Variants in DIP2C observed in about 807,000 individuals in gnomAD.
DIP2C encodes the protein disco-interacting protein 2 homolog C.
DIP2C carries 33 observed loss-of-function variants against 192.4 expected under a neutral mutation model. The ratio of observed to expected loss-of-function variants is 0.17; its 90% CI spans 0.13 to 0.23. The LOEUF (loss-of-function observed/expected upper bound fraction) is 0.23. Among genes scored for constraint, DIP2C ranks in the 10% least tolerant of loss-of-function variants. The pLI, the probability that DIP2C is intolerant of heterozygous loss-of-function variation, is 1.00. For synonymous variants in DIP2C, 979 were observed against 864.1 expected, an observed-to-expected ratio of 1.13 and a Z score of -2.33; for missense variants, 1,537 against 2,110.1, an observed-to-expected ratio of 0.73 and a Z score of 5.32.
intron 1 of DIP2C, among the ~76,000 whole-genome samples, chr10:488,798 GCA>G (rs778775776): frequency 3.9e-5 from 6 of 152,202 alleles, no homozygotes; most frequent in East Asian, 1.9e-4. Context: ...TAACACACAT[GCA>G]CAGTTATCCT....
At chr10:628,136 T>C (rs1854305533) in intron 1 of DIP2C, among the ~76,000 whole-genome samples, 1 of 152,216 alleles carries the variant, frequency 6.6e-6, no homozygotes, top group Non-Finnish European at 1.5e-5. Flanking sequence ...GCACAGAACG[T>C]GGCAGGAAAA....
chr10:663,821 C>G (rs1856907061), intron 1 of DIP2C: 1 of 151,686 alleles, frequency 6.6e-6, no homozygotes, highest in Admixed American at 6.6e-5. Flanking sequence ...AGGGGCGATT[C>G]TACTGGGAGG....
At chr10:561,040 C>T (rs1405025617) in intron 1 of DIP2C, among the ~76,000 whole-genome samples, 1 of 152,186 alleles carries the variant, frequency 6.6e-6, no homozygotes, top group African/African-American at 2.4e-5. Flanking sequence ...CCCCTGCTTC[C>T]AGTTGTCCCC....
chr10:389,335 C>A (rs1963268172), intron 13 of DIP2C, among the ~76,000 whole-genome samples: 1 of 152,226 alleles, frequency 6.6e-6, no homozygotes. Flanking sequence ...CGGGGTCGCA[C>A]CCTCCCCTCT....
At chr10:643,145 T>A (rs1252703545) in intron 1 of DIP2C, among the ~76,000 whole-genome samples, 2 of 147,274 alleles carry the variant, frequency 1.4e-5, no homozygotes, top group Non-Finnish European at 3.0e-5. Context: ...GAGATTGCAG[T>A]GAGTGGAGGT....
At chr10:364,334 G>A (rs759248286) in intron 20 of DIP2C, 40 bp downstream of exon 20, 45 of 1,579,388 alleles carry the variant, frequency 2.8e-5, no homozygotes, top group Middle Eastern at 3.6e-4. Context: ...AAATATGGCC[G>A]ACCGGAAACC....
intron 4 of DIP2C, among the ~76,000 whole-genome samples, chr10:428,196 C>A (rs1215058250): frequency 6.6e-6 from 1 of 152,002 alleles, no homozygotes; most frequent in Non-Finnish European, 1.5e-5. Context: ...AACTAAAAAC[C>A]ATAAAATCAT....
chr10:601,974 G>A (rs1852107561), intron 1 of DIP2C, among the ~76,000 whole-genome samples: 1 of 152,020 alleles, frequency 6.6e-6, no homozygotes, highest in Admixed American at 6.6e-5. Flanking sequence ...TTATGAGGCA[G>A]AGAATGGGTG....
chr10:311,978 A>T (rs1464437244), intron 31 of DIP2C, among the ~76,000 whole-genome samples: 1 of 152,148 alleles, frequency 6.6e-6, no homozygotes, highest in Non-Finnish European at 1.5e-5. Context: ...GGTAGTTCCA[A>T]GGTTCTGATT....
At chr10:367,261 C>CAA (rs771652694) in intron 18 of DIP2C, among the ~76,000 whole-genome samples, 47 of 152,106 alleles carry the variant, frequency 3.1e-4, no homozygotes, top group Admixed American at 1.4e-3. Context: ...ACTAAAAATA[C>CAA]AAAAAAGTAG....
chr10:445,147 T>TGG (rs573373898), intron 3 of DIP2C, among the ~76,000 whole-genome samples: 157 of 152,372 alleles, frequency 1.0e-3, no homozygotes, highest in African/African-American at 3.5e-3. Flanking sequence ...AAATGACCCC[T>TGG]GGTGAGCGCC....
chr10:614,691 T>TA (rs1217001542), intron 1 of DIP2C, among the ~76,000 whole-genome samples: 1 of 152,250 alleles, frequency 6.6e-6, no homozygotes, highest in Non-Finnish European at 1.5e-5. Context: ...AAAGTTCCTT[T>TA]CAAGTGTGTT....
At chr10:285,267 T>A (rs1011353001) in intron 34 of DIP2C, among the ~76,000 whole-genome samples, 4 of 151,908 alleles carry the variant, frequency 2.6e-5, no homozygotes, top group Non-Finnish European at 5.9e-5. Flanking sequence ...AGAAACGTGC[T>A]CTTGCATGTG....
At position 689,589 on chromosome 10, in the gene DIP2C, C is replaced by A; in HGVS notation, c.-11G>T. ...GCTGCGGTCCGCCATGCTCCGCGGG[C>A]GCCGCGCCCCGCACGGCCTCCTCTT... is the stretch of plus-strand genomic sequence containing the variant. On this transcript the variant is annotated 5_prime_UTR_variant, in exon 1 of 37. Coordinates refer to ENST00000280886, the MANE Select transcript of DIP2C (RefSeq NM_014974.3). The surrounding 1 kb of genome is among the most constrained non-coding windows in gnomAD (Gnocchi z 6.1). 8.7e-7 allele frequency: 1 copy of A among 1,148,738 alleles called. No individual in the cohort carries two copies. Among genetic ancestry groups the A allele is most frequent in the Non-Finnish European group, 1.1e-6 (1 of 931,444 alleles). 71.2% of individuals were successfully genotyped at this position (1,148,738 alleles called of 1,614,324 possible).
At chr10:482,366 G>GA (rs1843672648) in intron 2 of DIP2C, among the ~76,000 whole-genome samples, 1 of 152,294 alleles carries the variant, frequency 6.6e-6, no homozygotes, top group Non-Finnish European at 1.5e-5. Flanking sequence ...CCTCTTCCTG[G>GA]AGAGGCTGCT....
chr10:451,192 C>T (rs756591743), intron 3 of DIP2C, among the ~76,000 whole-genome samples: 2 of 152,232 alleles, frequency 1.3e-5, no homozygotes, highest in African/African-American at 4.8e-5. Context: ...AAAGCTCCCA[C>T]AGCCTGAACA....
intron 7 of DIP2C, 91 bp from the exon 8 acceptor site, chr10:414,201 A>G: frequency 7.2e-7 from 1 of 1,398,518 alleles, no homozygotes; most frequent in Non-Finnish European, 9.7e-7. Context: ...CAAGAGATTT[A>G]TACTTAAGCT....
At chr10:420,556 C>T (rs1194484194) in intron 5 of DIP2C, among the ~76,000 whole-genome samples, 1 of 152,198 alleles carries the variant, frequency 6.6e-6, no homozygotes, top group Non-Finnish European at 1.5e-5. Context: ...GGGAGGCCTC[C>T]TCTCAGCTCC....
chr10:433,795 AT>A (rs1171112277), intron 4 of DIP2C, among the ~76,000 whole-genome samples: 2 of 152,208 alleles, frequency 1.3e-5, no homozygotes, highest in Non-Finnish European at 2.9e-5. Flanking sequence ...TAGACAATAT[AT>A]AGTTGGGTGC....
Sources: gnomAD v4.1 joint callset for allele counts (sites outside exome capture counted in the v4.1 genomes callset) on GRCh38, gnomAD v4.1.1 for gene constraint, Gnocchi (gnomAD v3.1) non-coding constraint, MANE v1.5 for transcripts, NCBI Gene and HGNC (gene_info 2026-07-23, HGNC 2026-07-21) for gene names.